RBM28: variants seen among roughly 807,000 people sequenced by gnomAD.
RBM28 encodes RNA binding motif protein 28, also known as RNA-binding protein 28.
A neutral mutation model predicts 98.3 loss-of-function variants in RBM28; 78 were observed. The observed-to-expected ratio is 0.79, with a 90% CI of 0.66 to 0.96. RBM28 has a LOEUF of 0.96. RBM28 is among the 40% of genes least tolerant of loss of function. The probability of loss-of-function intolerance (pLI) is 0.00; values close to 1 mark genes in which losing one functional copy is unlikely to be tolerated. For missense variants in RBM28, 838 were observed against 913.0 expected (o/e 0.92, Z 1.06); for synonymous variants, 306 against 330.9 (o/e 0.92, Z 0.82).
chr7:128,325,144 CCTA>C (rs1381766495), intron 11 of RBM28, among the ~76,000 whole-genome samples: 1 of 152,142 alleles, frequency 6.6e-6, no homozygotes, highest in African/African-American at 2.4e-5. Flanking sequence ...GAAGCCAAGC[CCTA>C]CGACGTTTCA....
At chr7:128,341,212 T>A in intron 1 of RBM28, 3 of 1,284,436 alleles carry the variant, frequency 2.3e-6, no homozygotes, top group South Asian at 2.5e-5. Flanking sequence ...GACACTGATC[T>A]ACATAAACTG....
intron 4 of RBM28, 81 bp from the exon 5 acceptor site, chr7:128,338,423 G>T: frequency 8.2e-7 from 1 of 1,221,490 alleles, no homozygotes; most frequent in Non-Finnish European, 1.2e-6. Flanking sequence ...CTGCAATTCA[G>T]GCCCACAAGA....
At chr7:128,338,915 T>G in intron 3 of RBM28, 114 bp from the exon 4 acceptor site, 1 of 833,002 alleles carries the variant, frequency 1.2e-6, no homozygotes, top group Non-Finnish European at 2.0e-6. Context: ...CTTTTTTTTA[T>G]TTTTGATACT....
chr7:128,310,906 T>C lies in RBM28; in HGVS notation c.2171A>G (p.Asn724Ser), dbSNP rs768835895. The C allele has an allele frequency of 3.1e-6, 5 of 1,613,604 alleles. No individual in the cohort carries two copies. The highest frequency in any genetic ancestry group is 4.2e-6 in the Non-Finnish European group (5 of 1,179,610). ...EQVSRKKAKG[N>S]KTETRFNQLV... ...CTGGTTGAAGCGGGTTTCCGTCTTA[T>C]TTCCCTTAGCTTTTTTCCTAGATAC... The change falls in exon 19 of 19, where the codon AAT becomes AGT. Residue 724 changes from asparagine to serine, a missense_variant. Coordinates refer to ENST00000223073, the MANE Select transcript of RBM28 (RefSeq NM_018077.3).
intron 18 of RBM28, 58 bp from the exon 19 acceptor site, chr7:128,310,989 T>C: frequency 6.4e-7 from 1 of 1,554,110 alleles, no homozygotes; most frequent in Non-Finnish European, 8.9e-7. Context: ...ATATATCACC[T>C]TACCCTCAGG....
chr7:128,325,987 G>A, intron 10 of RBM28, 96 bp from the exon 11 acceptor site: 1 of 962,148 alleles, frequency 1.0e-6, no homozygotes, highest in East Asian at 2.4e-5. Flanking sequence ...AGAGTGGAAG[G>A]GATAGGTGGC....
In RBM28 at chr7:128,298,038, G is replaced by C. The variant is rs1019553502; in HGVS notation, c.*12759C>G. The stretch of plus-strand genomic sequence containing the variant: ...GCATTGGGAGATATACCTAATGCTA[G>C]ATGACGAGTTAGTGGGTGCAGCGAC... On this transcript the variant is annotated 3_prime_UTR_variant, in exon 19 of 19. Coordinates refer to ENST00000223073, the MANE Select transcript of RBM28 (RefSeq NM_018077.3). The C allele has an allele frequency of 7.0e-5, 4 of 56,748 alleles. No individual in the cohort carries two copies. The highest frequency in any genetic ancestry group is 1.4e-4 in the African/African-American group (4 of 29,044). 3.5% of individuals were successfully genotyped at this position (56,748 alleles called of 1,614,324 possible). A position where few individuals can be genotyped will look rare whatever the true frequency, so the allele number is the denominator to read the frequency against.
At chr7:128,332,444 C>T (rs1042328466) in intron 9 of RBM28, among the ~76,000 whole-genome samples, 2 of 152,006 alleles carry the variant, frequency 1.3e-5, no homozygotes, top group Non-Finnish European at 2.9e-5. Context: ...ACCTCCACCT[C>T]TGCGTTTTAA....
chr7:128,313,075 C>G (rs2116320934), intron 18 of RBM28, 100 bp downstream of exon 18: 1 of 1,226,892 alleles, frequency 8.2e-7, no homozygotes, highest in Non-Finnish European at 1.2e-6. Context: ...ACACAGAAGT[C>G]TTTCTTTTTT....
chr7:128,305,760 C>T lies in RBM28; in HGVS notation c.*5037G>A, dbSNP rs1298858632. 1 of 152,180 alleles carries T rather than the reference C, an allele frequency of 6.6e-6. No individual in the cohort carries two copies. Among genetic ancestry groups the T allele is most frequent in the Admixed American group, 6.5e-5 (1 of 15,274 alleles). The allele number at this position is 152,180 out of a possible 1,614,324, so 9.4% of individuals were successfully genotyped here. On this transcript the variant is annotated 3_prime_UTR_variant, in exon 19 of 19. Coordinates refer to ENST00000223073, the MANE Select transcript of RBM28 (RefSeq NM_018077.3). ...TTTGGCCATGAGGCAGATTAAGCAA[C>T]ACCTAAGGGGAGTTGCTAGTGGACC...
At chr7:128,330,271 T>A (rs1479384311) in intron 10 of RBM28, among the ~76,000 whole-genome samples, 2 of 149,252 alleles carry the variant, frequency 1.3e-5, no homozygotes, top group Non-Finnish European at 3.0e-5. Context: ...TACCCTAAAG[T>A]AAATAAGCAA....
At chr7:128,314,640 G>A in intron 17 of RBM28, 124 bp downstream of exon 17, 1 of 1,493,194 alleles carries the variant, frequency 6.7e-7, no homozygotes, top group Non-Finnish European at 9.3e-7. Context: ...CCCATGTGTG[G>A]GAATACATAG....
At position 128,331,795 on chromosome 7, in the gene RBM28, C is replaced by T. The variant is rs111895219; in HGVS notation, c.1020-867G>A. Among the ~76,000 whole-genome samples, 875 of 152,210 alleles carry T rather than the reference C, an allele frequency of 5.7e-3. 9 individuals carry two copies. The highest frequency in any genetic ancestry group is 0.02 in the African/African-American group (812 of 41,516). ...CCTCATTTCCCCAACTATGTAAATC[C>T]TTCCAGGGGTAAGCAAAACAGTCCC... is the stretch of plus-strand genomic sequence containing the variant. On this transcript the variant is annotated intron_variant, in intron 9 of 18. Coordinates refer to ENST00000223073, the MANE Select transcript of RBM28 (RefSeq NM_018077.3).
chr7:128,337,325 G>A, intron 5 of RBM28, 123 bp from the exon 6 acceptor site: 1 of 920,244 alleles, frequency 1.1e-6, no homozygotes, highest in Non-Finnish European at 1.7e-6. Flanking sequence ...CCAATTCAGG[G>A]AATGCTGGTC....
Position 128,308,918 on chromosome 7 carries a change from A to T in RBM28, c.*1879T>A, listed in dbSNP as rs1226545625. 1 of 134,504 alleles carries T rather than the reference A, an allele frequency of 7.4e-6. No individual in the cohort carries two copies. The allele number at this position is 134,504 out of a possible 1,614,324, so 8.3% of individuals were successfully genotyped here. On this transcript the variant is annotated 3_prime_UTR_variant, in exon 19 of 19. Transcript: ENST00000223073. ...CTTGAACCCAGGAGGCGGAGGTTGCAGTGAGCCAAGATCATGCCATTGCAC... is the reference window on the plus strand; with the variant it reads ...CTTGAACCCAGGAGGCGGAGGTTGCTGTGAGCCAAGATCATGCCATTGCAC...
intron 18 of RBM28, among the ~76,000 whole-genome samples, chr7:128,311,738 T>G (rs149014499): frequency 6.5e-4 from 99 of 152,290 alleles, no homozygotes; most frequent in African/African-American, 2.2e-3. Flanking sequence ...AGCTCATTAC[T>G]CTGAAAACTA....
intron 16 of RBM28, 43 bp from the exon 17 acceptor site, chr7:128,315,063 T>C (rs1396329182): frequency 1.2e-6 from 2 of 1,613,414 alleles, no homozygotes; most frequent in Non-Finnish European, 1.7e-6. Flanking sequence ...TGGATGAGCT[T>C]TGTTTGCTGC....
intron 12 of RBM28, among the ~76,000 whole-genome samples, chr7:128,324,116 T>G (rs1796295337): frequency 6.6e-6 from 1 of 152,250 alleles, no homozygotes; most frequent in Admixed American, 6.5e-5. Flanking sequence ...ATAAATGCTG[T>G]GTGACCTAGA....
At chr7:128,337,248 C>A (rs1312662327) in intron 5 of RBM28, 46 bp from the exon 6 acceptor site, 2 of 1,593,954 alleles carry the variant, frequency 1.3e-6, no homozygotes, top group East Asian at 2.2e-5. Flanking sequence ...CTTTTAAAAA[C>A]CCTACCTCTG....
Sources: gnomAD v4.1 joint callset for allele counts (sites outside exome capture counted in the v4.1 genomes callset) on GRCh38, gnomAD v4.1.1 for gene constraint, MANE v1.5 for transcripts, NCBI Gene and HGNC (gene_info 2026-07-23, HGNC 2026-07-21) for gene names.